The following PARD3 variants were observed in gnomAD, a reference collection of about 807,000 sequenced individuals.
PARD3 encodes the protein partitioning defective 3 homolog.
PARD3 carries 75 observed loss-of-function variants against 155.4 expected under a neutral mutation model. That is an observed-to-expected ratio of 0.48 (90% CI 0.40 to 0.58). PARD3 has a LOEUF of 0.58. PARD3 is among the 20% of genes least tolerant of loss of function. The probability of loss-of-function intolerance (pLI) is 0.00; values close to 1 mark genes in which losing one functional copy is unlikely to be tolerated. For missense variants in PARD3, 1,642 were observed against 1,721.7 expected, an observed-to-expected ratio of 0.95 and a Z score of 0.82; for synonymous variants, 576 against 610.5, an observed-to-expected ratio of 0.94 and a Z score of 0.83.
chr10:34,338,619 T>A (rs1318506039), intron 16 of PARD3, among the ~76,000 whole-genome samples: 2 of 152,096 alleles, frequency 1.3e-5, no homozygotes, highest in Non-Finnish European at 2.9e-5. Flanking sequence ...AGAACTATCA[T>A]CCATACTAGT....
chr10:34,785,386 A>G (rs1311270571), intron 1 of PARD3, among the ~76,000 whole-genome samples: 1 of 152,162 alleles, frequency 6.6e-6, no homozygotes. Flanking sequence ...TGCAACTTAT[A>G]CTCTTGAAGT....
intron 22 of PARD3, among the ~76,000 whole-genome samples, chr10:34,246,181 A>G (rs776907652): frequency 6.6e-6 from 1 of 152,216 alleles, no homozygotes; most frequent in African/African-American, 2.4e-5. Context: ...GGGGTTTAAG[A>G]GTAAGAATGA....
At chr10:34,673,409 A>C (rs1295750092) in intron 2 of PARD3, among the ~76,000 whole-genome samples, 1 of 152,236 alleles carries the variant, frequency 6.6e-6, no homozygotes, top group Non-Finnish European at 1.5e-5. Flanking sequence ...AAAAATTATA[A>C]GCTATCCTCG....
At chr10:34,567,972 T>A (rs1003129405) in intron 2 of PARD3, among the ~76,000 whole-genome samples, 3 of 152,144 alleles carry the variant, frequency 2.0e-5, no homozygotes, top group Non-Finnish European at 4.4e-5. Context: ...TCTAGTTTTG[T>A]CAATGGGATA....
intron 1 of PARD3, among the ~76,000 whole-genome samples, chr10:34,787,733 T>A (rs1305878497): frequency 2.0e-5 from 3 of 151,008 alleles, no homozygotes; most frequent in Admixed American, 6.6e-5. Context: ...ATATGAAAAA[T>A]GTCCACACCC....
intron 7 of PARD3, among the ~76,000 whole-genome samples, chr10:34,395,923 T>G (rs942565559): frequency 6.6e-6 from 1 of 152,136 alleles, no homozygotes; most frequent in African/African-American, 2.4e-5. Flanking sequence ...TGTCTCTATT[T>G]CTACATATCA....
chr10:34,432,413 G>C (rs2075993400), intron 5 of PARD3, among the ~76,000 whole-genome samples: 1 of 150,700 alleles, frequency 6.6e-6, no homozygotes, highest in African/African-American at 2.4e-5. Flanking sequence ...CCTGGCACTA[G>C]GTAAGACATA....
At chr10:34,604,965 G>A (rs1188623921) in intron 2 of PARD3, among the ~76,000 whole-genome samples, 2 of 151,666 alleles carry the variant, frequency 1.3e-5, no homozygotes, top group African/African-American at 2.4e-5. Context: ...TCTTTGTACA[G>A]TAATATTTAT....
intron 2 of PARD3, among the ~76,000 whole-genome samples, chr10:34,667,666 G>A (rs998821197): frequency 2.0e-5 from 3 of 152,194 alleles, no homozygotes; most frequent in Non-Finnish European, 4.4e-5. Flanking sequence ...ACATAGGGGT[G>A]ATATCGGACA....
At chr10:34,799,179 C>CTACAGG (rs1244147846) in intron 1 of PARD3, among the ~76,000 whole-genome samples, 2 of 152,106 alleles carry the variant, frequency 1.3e-5, no homozygotes, top group African/African-American at 2.4e-5. Flanking sequence ...GTAGCTGGGA[C>CTACAGG]TACAGGTGCC....
At position 34,119,714 on chromosome 10, in the gene PARD3, G is replaced by A. The variant is rs745473559; in HGVS notation, c.3567C>T (p.Ser1189=). Residue 1189 remains serine (S), a synonymous_variant, in exon 24 of 25, where the codon AGC becomes AGT. Coordinates refer to ENST00000374788, the MANE Select transcript of PARD3 (RefSeq NM_001184785.2). ...PWPNARPATQ[S]GRHSVSVEVQ... The stretch of plus-strand genomic sequence containing the variant: ...CCTCCACGGACACCGAGTGTCGCCC[G>A]CTCTGCGTCGCCGGCCGTGCGTTCG... 6 of 1,612,212 alleles carry A rather than the reference G, an allele frequency of 3.7e-6. No individual in the cohort carries two copies. The highest frequency in any genetic ancestry group is 2.2e-5 in the East Asian group (1 of 44,826).
At chr10:34,610,750 C>T (rs756389961) in intron 2 of PARD3, among the ~76,000 whole-genome samples, 4 of 152,122 alleles carry the variant, frequency 2.6e-5, no homozygotes, top group Admixed American at 6.5e-5. Flanking sequence ...AACTGCTAAA[C>T]ATTGTGTATG....
At chr10:34,362,047 G>A (rs1484000612) in intron 12 of PARD3, among the ~76,000 whole-genome samples, 4 of 152,118 alleles carry the variant, frequency 2.6e-5, no homozygotes, top group South Asian at 2.1e-4. Flanking sequence ...GGAGGCCGAC[G>A]CAGGTGGATC....
At chr10:34,358,039 T>C (rs12268500) in intron 14 of PARD3, among the ~76,000 whole-genome samples, 39,251 of 152,154 alleles carry the variant, frequency 0.26, 9,663 homozygotes, top group African/African-American at 0.65. Context: ...GTTTGTATTA[T>C]TTGCTAATCA....
Position 34,553,236 on chromosome 10 carries a change from C to A in PARD3, c.223-36077G>T, listed in dbSNP as rs1190561790. ...CCTGAGTGCTGTGGTGGTTGCCAAA[C>A]ACAATTCCTAGGTCAGAACCATGGA... On this transcript the variant is annotated intron_variant, in intron 2 of 24. Transcript: ENST00000374788. Among the ~76,000 whole-genome samples the A allele has an allele frequency of 2.0e-5, 3 of 152,124 alleles. No individual in the cohort carries two copies. In the East Asian group the frequency reaches 5.8e-4, roughly 29 times the overall value.
At chr10:34,783,004 C>CA (rs1840449305) in intron 1 of PARD3, among the ~76,000 whole-genome samples, 1 of 152,114 alleles carries the variant, frequency 6.6e-6, no homozygotes, top group South Asian at 2.1e-4. Flanking sequence ...GGATTACAGG[C>CA]GTGAGCCACC....
intron 2 of PARD3, among the ~76,000 whole-genome samples, chr10:34,614,846 A>G (rs1423440175): frequency 6.6e-6 from 1 of 152,198 alleles, no homozygotes; most frequent in Non-Finnish European, 1.5e-5. Flanking sequence ...ACTAAACAAA[A>G]TAAACGAAGC....
chr10:34,184,193 G>C (rs960066972), intron 22 of PARD3, among the ~76,000 whole-genome samples: 1 of 152,188 alleles, frequency 6.6e-6, no homozygotes, highest in Non-Finnish European at 1.5e-5. Flanking sequence ...AGTATAAGCA[G>C]AGCTTTGAAA....
At chr10:34,489,551 A>G (rs2079741160) in intron 3 of PARD3, among the ~76,000 whole-genome samples, 1 of 152,238 alleles carries the variant, frequency 6.6e-6, no homozygotes, top group Admixed American at 6.5e-5. Context: ...GGCGATTAAT[A>G]AAGCCATTTG....
Sources: allele counts gnomAD v4.1 joint callset (sites outside exome capture counted in the v4.1 genomes callset), GRCh38; gene constraint gnomAD v4.1.1; transcripts MANE v1.5; gene names NCBI Gene and HGNC (gene_info 2026-07-23, HGNC 2026-07-21).